Variants in ARL6 observed in about 807,000 individuals in gnomAD.
The protein encoded by ARL6 is ADP-ribosylation factor-like protein 6.
In ARL6, 18 loss-of-function variants were observed where a neutral mutation model predicts 27.1. The observed-to-expected ratio is 0.66, with a 90% CI of 0.46 to 0.98. ARL6 has a LOEUF of 0.98. ARL6 is among the 50% of genes least tolerant of loss of function. The pLI, the probability that ARL6 is intolerant of heterozygous loss-of-function variation, is 0.00. For missense variants in ARL6, 187 were observed against 214.9 expected (o/e 0.87, Z 0.81); for synonymous variants, 65 against 72.3 (o/e 0.90, Z 0.51).
intron 2 of ARL6, among the ~76,000 whole-genome samples, chr3:97,776,518 T>TC: frequency 6.6e-6 from 1 of 152,286 alleles, no homozygotes; most frequent in South Asian, 2.1e-4. Flanking sequence ...TTTCCTTTCT[T>TC]CCTTTCTTAA....
At position 97,768,243 on chromosome 3, in the gene ARL6, G is replaced by A. The variant is rs1192691385; in HGVS notation, c.123+13G>A. The A allele has an allele frequency of 6.2e-7, 1 of 1,610,898 alleles. No individual in the cohort carries two copies. Among genetic ancestry groups the A allele is most frequent in the South Asian group, 1.1e-5 (1 of 90,920 alleles). ...TAAACCTTCAAATGTAAGTATCTTT[G>A]TTAGATGCTTTATGTATTTTCTGCT... is the stretch of plus-strand genomic sequence containing the variant. On this transcript the variant is annotated intron_variant, in intron 2 of 7. Transcript: ENST00000463745.
chr3:97,789,993 GT>G (rs1248226544), intron 6 of ARL6, among the ~76,000 whole-genome samples: 1 of 151,352 alleles, frequency 6.6e-6, no homozygotes, highest in African/African-American at 2.4e-5. Flanking sequence ...GATTTTCAGG[GT>G]CTGATTGTAT....
chr3:97,784,480 T>TAAA (rs148371215), intron 4 of ARL6, among the ~76,000 whole-genome samples: 27 of 140,668 alleles, frequency 1.9e-4, no homozygotes, highest in African/African-American at 6.2e-4. Context: ...ACCATAGTAG[T>TAAA]AAAAAAAAAA....
At chr3:97,777,128 T>C (rs1189564108) in intron 2 of ARL6, among the ~76,000 whole-genome samples, 2 of 152,064 alleles carry the variant, frequency 1.3e-5, no homozygotes, top group African/African-American at 2.4e-5. Context: ...TTTGGATGAG[T>C]AGATTGATGG....
At chr3:97,780,105 G>A (rs2037115571) in intron 2 of ARL6, 54 bp from the exon 3 acceptor site, 2 of 1,436,300 alleles carry the variant, frequency 1.4e-6, no homozygotes, top group Non-Finnish European at 2.0e-6. Context: ...TTAACTTGAG[G>A]AAAACTCATC....
chr3:97,790,001 G>T (rs1299424494), intron 6 of ARL6, among the ~76,000 whole-genome samples: 1 of 150,520 alleles, frequency 6.6e-6, no homozygotes, highest in African/African-American at 2.4e-5. Flanking sequence ...GGGTCTGATT[G>T]TATTATTCTC....
In ARL6 at chr3:97,798,256, G is replaced by T; in HGVS notation, c.*207G>T. ...AAAAACTAAATATTCCCTCAAAAGG[G>T]CTCCCTAGAATTATCAAGTTCTTAG... On this transcript the variant is annotated 3_prime_UTR_variant, in exon 8 of 8. Transcript: ENST00000463745. 1.8e-6 allele frequency: 1 copy of T among 548,480 alleles called. No homozygotes were observed. Among genetic ancestry groups the T allele is most frequent in the Non-Finnish European group, 3.3e-6 (1 of 304,098 alleles). 34.0% of individuals were successfully genotyped at this position (548,480 alleles called of 1,614,324 possible).
intron 4 of ARL6, among the ~76,000 whole-genome samples, 200 bp downstream of exon 4, chr3:97,780,883 C>T (rs1450645502): frequency 2.0e-5 from 3 of 151,992 alleles, no homozygotes; most frequent in African/African-American, 7.2e-5. Flanking sequence ...CGGGCCTTTG[C>T]ATGTACTATT....
Position 97,784,950 on chromosome 3 carries a change from C to T in ARL6, c.255-5C>T. On this transcript the variant is annotated splice_polypyrimidine_tract_variant and splice_region_variant and intron_variant, in intron 4 of 7. Transcript: ENST00000463745. Reference sequence around the variant, plus strand: ...TTAATTTTTCTTTTTCTTTACATTACACAGAGAAGGCCAAGCTATTATTTT... The same window carrying T: ...TTAATTTTTCTTTTTCTTTACATTATACAGAGAAGGCCAAGCTATTATTTT... The T allele has an allele frequency of 6.2e-7, 1 of 1,606,728 alleles. No homozygotes were observed. The highest frequency in any genetic ancestry group is 8.5e-7 in the Non-Finnish European group (1 of 1,173,908).
At chr3:97,778,591 G>A (rs2037023528) in intron 2 of ARL6, among the ~76,000 whole-genome samples, 1 of 152,108 alleles carries the variant, frequency 6.6e-6, no homozygotes, top group African/African-American at 2.4e-5. Flanking sequence ...TAAAGTTATA[G>A]TGACAATATG....
At chr3:97,796,907 T>C (rs1429474587) in intron 7 of ARL6, among the ~76,000 whole-genome samples, 1 of 152,166 alleles carries the variant, frequency 6.6e-6, no homozygotes, top group African/African-American at 2.4e-5. Flanking sequence ...AGCTATATGG[T>C]ATCTCAAGAA....
Position 97,798,129 on chromosome 3 carries a change from T to C in ARL6, c.*80T>C. 1.4e-6 allele frequency: 2 copies of C among 1,380,396 alleles called. No homozygotes were observed. The highest frequency in any genetic ancestry group is 1.2e-5 in the South Asian group (1 of 83,774). The allele number at this position is 1,380,396 out of a possible 1,614,324, so 85.5% of individuals were successfully genotyped here. A position where few individuals can be genotyped will look rare whatever the true frequency, so the allele number is the denominator to read the frequency against. ...CAAATAGAATACATTTTGTAAAAGA[T>C]GTTTATGCATCAAAAAATATAATTT... On this transcript the variant is annotated 3_prime_UTR_variant, in exon 8 of 8. Transcript: ENST00000463745.
intron 7 of ARL6, among the ~76,000 whole-genome samples, chr3:97,794,218 T>TGTGTGTGTGTGTG (rs71113870): frequency 6.9e-6 from 1 of 145,630 alleles, no homozygotes; most frequent in African/African-American, 2.7e-5. Flanking sequence ...TGTGTGTGTG[T>TGTGTGTGTGTGTG]TTTTGAGATG....
At chr3:97,787,421 C>G (rs2037511094) in intron 5 of ARL6, among the ~76,000 whole-genome samples, 1 of 152,108 alleles carries the variant, frequency 6.6e-6, no homozygotes, top group Non-Finnish European at 1.5e-5. Context: ...TCTACAGAGA[C>G]CATTGTCCTA....
intron 2 of ARL6, among the ~76,000 whole-genome samples, chr3:97,771,260 AT>A (rs907580719): frequency 3.3e-5 from 5 of 151,556 alleles, no homozygotes; most frequent in African/African-American, 1.2e-4. Context: ...AGTATTTTAT[AT>A]TTTTTATAGC....
At position 97,767,743 on chromosome 3, in the gene ARL6, C is replaced by G. The variant is rs544649405; in HGVS notation, c.-27-338C>G. On this transcript the variant is annotated intron_variant, in intron 1 of 7. Transcript: ENST00000463745. ...TTTCTGGAAAGGCTACGGCCTAATTCTTCCATATTTTCAAGTATCACAATT... is the reference window on the plus strand; with the variant it reads ...TTTCTGGAAAGGCTACGGCCTAATTGTTCCATATTTTCAAGTATCACAATT... 3.9e-5 allele frequency among the ~76,000 whole-genome samples: 6 copies of G among 152,228 alleles called. No individual in the cohort carries two copies. The East Asian group carries it at 9.7e-4, about 24-fold the overall frequency.
chr3:97,788,001 C>T lies in ARL6; in HGVS notation c.361C>T (p.Arg121Cys), dbSNP rs202044896. ...TLLNHPDIKH[R>C]RIPILFFANK... ...ATTTTCTCTTTTAGATATTAAACAC[C>T]GTCGAATTCCAATCTTATTCTTTGC... The change falls in exon 6 of 8, where the codon CGT becomes TGT. Residue 121 changes from arginine to cysteine, a missense_variant. Transcript: ENST00000463745. 20 of 1,613,048 alleles carry T rather than the reference C, an allele frequency of 1.2e-5. No homozygotes were observed. Among genetic ancestry groups the T allele is most frequent in the Non-Finnish European group, 1.5e-5 (18 of 1,179,388 alleles).
chr3:97,794,207 G>A (rs897398015), intron 7 of ARL6, among the ~76,000 whole-genome samples: 1 of 147,460 alleles, frequency 6.8e-6, no homozygotes, highest in African/African-American at 2.7e-5. Flanking sequence ...GTGTGTGTGT[G>A]TGTGTGTGTG....
intron 2 of ARL6, among the ~76,000 whole-genome samples, chr3:97,776,358 A>G (rs2036900789): frequency 6.6e-6 from 1 of 152,044 alleles, no homozygotes; most frequent in Non-Finnish European, 1.5e-5. Flanking sequence ...TGGAAAGCAC[A>G]TAGTTGGGTC....
Sources: allele counts gnomAD v4.1 joint callset (sites outside exome capture counted in the v4.1 genomes callset), GRCh38; gene constraint gnomAD v4.1.1; transcripts MANE v1.5; gene names NCBI Gene and HGNC (gene_info 2026-07-23, HGNC 2026-07-21).